The following DLGAP2 variants were observed in gnomAD, a reference collection of about 807,000 sequenced individuals.
DLGAP2 encodes DLG associated protein 2.
In DLGAP2, 26 loss-of-function variants were observed where a neutral mutation model predicts 100.3. The observed-to-expected ratio is 0.26, with a 90% confidence interval of 0.19 to 0.36. DLGAP2 has a LOEUF of 0.36. Among genes scored for constraint, DLGAP2 ranks in the 10% least tolerant of loss-of-function variants. DLGAP2 has a pLI of 1.00. For missense variants in DLGAP2, 1,858 were observed against 1,453.2 expected (o/e 1.28, Z -4.53); for synonymous variants, 886 against 630.1 (o/e 1.41, Z -6.08).
intron 2 of DLGAP2, among the ~76,000 whole-genome samples, chr8:1,039,686 A>G (rs1262738637): frequency 9.8e-6 from 1 of 102,322 alleles, no homozygotes. Context: ...GTGCGTGGTC[A>G]GCTCGGTGTG....
chr8:1,310,418 C>T (rs1800587478), intron 3 of DLGAP2, among the ~76,000 whole-genome samples: 1 of 152,196 alleles, frequency 6.6e-6, no homozygotes, highest in African/African-American at 2.4e-5. Context: ...TAGCTCTAAT[C>T]ATAGCTGGAG....
At chr8:1,680,177 G>T (rs1311584621) in intron 12 of DLGAP2, among the ~76,000 whole-genome samples, 1 of 152,102 alleles carries the variant, frequency 6.6e-6, no homozygotes, top group Non-Finnish European at 1.5e-5. Context: ...ACAAATTACG[G>T]TCTAAGTATT....
intron 6 of DLGAP2, among the ~76,000 whole-genome samples, chr8:1,615,379 G>A (rs1342517014): frequency 6.6e-6 from 1 of 152,184 alleles, no homozygotes; most frequent in Non-Finnish European, 1.5e-5. Context: ...TCTGCCAGTC[G>A]TGTCCTTTAT....
intron 3 of DLGAP2, among the ~76,000 whole-genome samples, chr8:1,274,249 C>T (rs1012603537): frequency 6.6e-6 from 1 of 151,944 alleles, no homozygotes; most frequent in South Asian, 2.1e-4. Flanking sequence ...AAATTGTGAA[C>T]TCTTCCCCAC....
rs144837556 is a variant in DLGAP2, at chr8:1,249,802, C to T, written c.74-9049C>T. 7.3e-4 allele frequency among the ~76,000 whole-genome samples: 111 copies of T among 152,250 alleles called. 1 individual carries two copies. The highest frequency in any genetic ancestry group is 2.6e-3 in the African/African-American group (107 of 41,544). On this transcript the variant is annotated intron_variant, in intron 2 of 14. Coordinates refer to ENST00000637795, the MANE Select transcript of DLGAP2 (RefSeq NM_001346810.2). ...TAGTTCTTAACCCTCGGTGCACATC[C>T]GTTAGGCAGTGAGCACATATTTGGG... is the stretch of plus-strand genomic sequence containing the variant.
At chr8:878,134 C>G (rs749973529) in intron 1 of DLGAP2, among the ~76,000 whole-genome samples, 2 of 152,162 alleles carry the variant, frequency 1.3e-5, no homozygotes, top group Non-Finnish European at 2.9e-5. Flanking sequence ...CTGGAAGTCA[C>G]TCTCCCATTT....
intron 12 of DLGAP2, among the ~76,000 whole-genome samples, chr8:1,682,259 G>A (rs1585059077): frequency 6.6e-6 from 1 of 152,218 alleles, no homozygotes; most frequent in Non-Finnish European, 1.5e-5. Context: ...AGTGGCAGGA[G>A]CTGTAAGGAG....
intron 3 of DLGAP2, among the ~76,000 whole-genome samples, chr8:1,449,022 G>C (rs191534313): frequency 2.0e-5 from 3 of 152,334 alleles, no homozygotes; most frequent in Admixed American, 2.0e-4. Context: ...AGGCTGTGAT[G>C]GGGAGGCTCA....
chr8:1,649,145 C>G (rs551972431), intron 8 of DLGAP2, among the ~76,000 whole-genome samples: 2 of 152,278 alleles, frequency 1.3e-5, no homozygotes, highest in East Asian at 3.9e-4. Context: ...CTGCCTTTAC[C>G]TAAAGCTTAA....
chr8:1,463,803 G>C (rs1798529425), intron 3 of DLGAP2, among the ~76,000 whole-genome samples: 1 of 152,220 alleles, frequency 6.6e-6, no homozygotes, highest in South Asian at 2.1e-4. Flanking sequence ...GCAGCCACGA[G>C]GGCTTCAGGA....
chr8:1,196,208 A>T (rs12676160), intron 2 of DLGAP2, among the ~76,000 whole-genome samples: 67,160 of 152,140 alleles, frequency 0.44, 14,980 homozygotes, highest in Middle Eastern at 0.6. Context: ...GTTTGGTAAA[A>T]TATCCTTCAA....
At position 1,113,128 on chromosome 8, in the gene DLGAP2, G is replaced by T. The variant is rs528191873; in HGVS notation, c.74-145723G>T. ...AGCCCTGTAGTATCATTCAAAGTTG[G>T]ATAATATGATGCCTCCAGCTTTGTT... On this transcript the variant is annotated intron_variant, in intron 2 of 14. Transcript: ENST00000637795. 2.0e-5 allele frequency among the ~76,000 whole-genome samples: 3 copies of T among 152,262 alleles called. No homozygotes were observed. In the East Asian group the frequency reaches 5.8e-4, roughly 29 times the overall value.
At position 1,411,873 on chromosome 8, in the gene DLGAP2, G is replaced by A. The variant is rs772445296; in HGVS notation, c.107-89493G>A. On this transcript the variant is annotated intron_variant, in intron 3 of 14. Transcript: ENST00000637795. ...GCCGTCGTGTGGGCCCTGGTGGTGC[G>A]GCACACTCATCCAGGCCTTTGCAAG... Among the ~76,000 whole-genome samples, 34 of 152,130 alleles carry A rather than the reference G, an allele frequency of 2.2e-4. No homozygotes were observed. The South Asian group carries it at 2.3e-3, about 10-fold the overall frequency.
chr8:996,428 A>G (rs967578964), intron 2 of DLGAP2, among the ~76,000 whole-genome samples: 2 of 152,170 alleles, frequency 1.3e-5, no homozygotes, highest in Non-Finnish European at 2.9e-5. Flanking sequence ...TGAGCAAAGC[A>G]AAGGCCGTTC....
At chr8:1,433,403 G>A (rs1021163882) in intron 3 of DLGAP2, among the ~76,000 whole-genome samples, 7 of 152,198 alleles carry the variant, frequency 4.6e-5, no homozygotes, top group East Asian at 1.9e-4. Flanking sequence ...CACCCGCTGC[G>A]GTGGCCAGGC....
rs542585028 is a variant in DLGAP2, at chr8:1,427,494, C to G, written c.107-73872C>G. On this transcript the variant is annotated intron_variant, in intron 3 of 14. Coordinates refer to ENST00000637795, the MANE Select transcript of DLGAP2 (RefSeq NM_001346810.2). ...ACATCCTCATATACTTGAAAATAAT[C>G]AAATGTCAACAGAAAGCACTTGATA... Among the ~76,000 whole-genome samples the G allele has an allele frequency of 1.0e-3, 153 of 152,256 alleles. 1 individual carries two copies. Among genetic ancestry groups the G allele is most frequent in the Middle Eastern group, 3.4e-3 (1 of 294 alleles).
At chr8:806,372 C>T (rs562754017) in intron 1 of DLGAP2, among the ~76,000 whole-genome samples, 7 of 152,298 alleles carry the variant, frequency 4.6e-5, no homozygotes, top group Non-Finnish European at 7.4e-5. Flanking sequence ...GCAGCCGTGC[C>T]GCCAGTCGTT....
intron 5 of DLGAP2, among the ~76,000 whole-genome samples, chr8:1,555,454 C>G (rs530019094): frequency 5.0e-4 from 76 of 152,306 alleles, no homozygotes; most frequent in African/African-American, 1.8e-3. Context: ...CCACAACTGC[C>G]CTGCCTCTGG....
chr8:1,142,109 A>G (rs1276947418), intron 2 of DLGAP2, among the ~76,000 whole-genome samples: 1 of 151,734 alleles, frequency 6.6e-6, no homozygotes, highest in Non-Finnish European at 1.5e-5. Context: ...CATTTTAGAC[A>G]ATCGTTTTTC....
Sources: gnomAD v4.1 joint callset for allele counts (sites outside exome capture counted in the v4.1 genomes callset) on GRCh38, gnomAD v4.1.1 for gene constraint, MANE v1.5 for transcripts, NCBI Gene and HGNC (gene_info 2026-07-23, HGNC 2026-07-21) for gene names.